Variants in ROR1 observed in about 807,000 individuals in gnomAD.
The protein encoded by ROR1 is ROR family WNT receptor 1, also known as inactive tyrosine-protein kinase transmembrane receptor ROR1.
ROR1 carries 19 observed loss-of-function variants against 78.8 expected under a neutral mutation model. The observed-to-expected ratio is 0.24, with a 90% CI of 0.17 to 0.35. ROR1 has a LOEUF of 0.35. Among genes scored for constraint, ROR1 ranks in the 10% least tolerant of loss-of-function variants. The pLI, the probability that ROR1 is intolerant of heterozygous loss-of-function variation, is 1.00. For synonymous variants in ROR1, 386 were observed against 433.6 expected, an observed-to-expected ratio of 0.89 and a Z score of 1.36; for missense variants, 917 against 1,177.8, an observed-to-expected ratio of 0.78 and a Z score of 3.24.
At chr1:63,927,221 G>C (rs1429717652) in intron 1 of ROR1, among the ~76,000 whole-genome samples, 9 of 71,450 alleles carry the variant, frequency 1.3e-4, no homozygotes, top group African/African-American at 2.1e-4. Flanking sequence ...TAGCATGAAG[G>C]GTTGTTGAAT....
Position 64,177,884 on chromosome 1 carries a change from G to T in ROR1, c.1843G>T (p.Asp615Tyr). The change falls in exon 9 of 9, where the codon GAC (aspartate) becomes TAC (tyrosine). Residue 615 changes from aspartate to tyrosine, a missense_variant. Around this residue, in one of 3 missense-constraint regions of ROR1, gnomAD observed 835 missense variants for 1,069.8 expected, o/e 0.78. Transcript: ENST00000371079. ...YLSSHFFVHK[D>Y]LAARNILIGE... ...GTCTAGTCACTTCTTTGTCCACAAG[G>T]ACCTTGCAGCTCGCAATATTTTAAT... The T allele has an allele frequency of 6.2e-7, 1 of 1,614,174 alleles. No individual in the cohort carries two copies. The highest frequency in any genetic ancestry group is 8.5e-7 in the Non-Finnish European group (1 of 1,180,026).
At chr1:63,794,151 A>G (rs1233482046) in intron 1 of ROR1, among the ~76,000 whole-genome samples, 3 of 152,184 alleles carry the variant, frequency 2.0e-5, no homozygotes, top group Non-Finnish European at 4.4e-5. Flanking sequence ...AAGTCAAAAT[A>G]TGGGCTCCGA....
At chr1:63,815,066 AG>A (rs1461184112) in intron 1 of ROR1, among the ~76,000 whole-genome samples, 1 of 152,150 alleles carries the variant, frequency 6.6e-6, no homozygotes, top group African/African-American at 2.4e-5. Flanking sequence ...TTTGGAAAAA[AG>A]GGCACTGGGG....
At chr1:64,053,286 G>C (rs560483974) in intron 4 of ROR1, among the ~76,000 whole-genome samples, 2 of 152,286 alleles carry the variant, frequency 1.3e-5, no homozygotes, top group African/African-American at 4.8e-5. Context: ...GAGGTCCACT[G>C]AGGCAACAGG....
chr1:64,028,426 G>A (rs766451666), intron 2 of ROR1, among the ~76,000 whole-genome samples: 2 of 152,160 alleles, frequency 1.3e-5, no homozygotes, highest in Non-Finnish European at 2.9e-5. Flanking sequence ...TTGCTAAATA[G>A]GAAGCAGATC....
chr1:64,061,490 C>T (rs1646916884), intron 4 of ROR1, among the ~76,000 whole-genome samples: 1 of 152,150 alleles, frequency 6.6e-6, no homozygotes, highest in Admixed American at 6.6e-5. Flanking sequence ...TAGTTTAAAG[C>T]AGTGCTTCTC....
intron 1 of ROR1, among the ~76,000 whole-genome samples, chr1:63,882,026 A>G (rs555304238): frequency 6.6e-6 from 1 of 152,306 alleles, no homozygotes; most frequent in East Asian, 1.9e-4. Flanking sequence ...AGGGGATCAT[A>G]TAGGATACTC....
chr1:64,003,665 G>A (rs973888066), intron 1 of ROR1, among the ~76,000 whole-genome samples: 1 of 143,784 alleles, frequency 7.0e-6, no homozygotes, highest in African/African-American at 2.5e-5. Context: ...TGAGCCTAGG[G>A]CTAGAGCATG....
intron 2 of ROR1, among the ~76,000 whole-genome samples, chr1:64,012,350 G>A (rs1230280264): frequency 6.6e-6 from 1 of 152,182 alleles, no homozygotes; most frequent in South Asian, 2.1e-4. Flanking sequence ...TCACCCAGGA[G>A]AAATCAAAAC....
At chr1:64,067,765 T>G (rs1258438911) in intron 4 of ROR1, among the ~76,000 whole-genome samples, 3 of 143,384 alleles carry the variant, frequency 2.1e-5, no homozygotes, top group Non-Finnish European at 4.5e-5. Context: ...GAGGCTAGAG[T>G]GCAGTGGTGT....
chr1:64,071,147 C>A (rs946025006), intron 4 of ROR1, among the ~76,000 whole-genome samples: 17 of 152,160 alleles, frequency 1.1e-4, no homozygotes, highest in East Asian at 7.7e-4. Context: ...GTTAGAAAGG[C>A]GAGCAGGAGC....
chr1:64,084,820 C>T (rs916094246), intron 4 of ROR1, among the ~76,000 whole-genome samples: 20 of 152,334 alleles, frequency 1.3e-4, no homozygotes, highest in African/African-American at 2.4e-4. Context: ...AGAAGGTCAA[C>T]GCGACAGGCC....
At chr1:63,983,202 A>G (rs550912733) in intron 1 of ROR1, among the ~76,000 whole-genome samples, 2 of 151,794 alleles carry the variant, frequency 1.3e-5, no homozygotes, top group African/African-American at 4.8e-5. Context: ...AGATTTTCTC[A>G]CTCTCCCCCT....
intron 1 of ROR1, among the ~76,000 whole-genome samples, chr1:63,883,623 C>T (rs1479659310): frequency 6.6e-6 from 1 of 152,150 alleles, no homozygotes; most frequent in Non-Finnish European, 1.5e-5. Context: ...AGAGAACAGG[C>T]CAGAAAACAC....
intron 1 of ROR1, among the ~76,000 whole-genome samples, chr1:63,961,593 C>T (rs1482121713): frequency 6.6e-6 from 1 of 152,110 alleles, no homozygotes; most frequent in Non-Finnish European, 1.5e-5. Context: ...CACAGAAAGA[C>T]AAATACCGCA....
At chr1:63,840,415 G>T (rs762803992) in intron 1 of ROR1, among the ~76,000 whole-genome samples, 12 of 151,840 alleles carry the variant, frequency 7.9e-5, no homozygotes, top group Non-Finnish European at 1.5e-4. Flanking sequence ...GAGTAGCTGG[G>T]ACTACAGGTA....
At chr1:63,795,228 GGAGCTA>G (rs1644753085) in intron 1 of ROR1, among the ~76,000 whole-genome samples, 1 of 152,202 alleles carries the variant, frequency 6.6e-6, no homozygotes, top group Admixed American at 6.5e-5. Flanking sequence ...TTGTGGCTTT[GGAGCTA>G]TGCCGGAGGT....
intron 1 of ROR1, among the ~76,000 whole-genome samples, chr1:63,870,404 G>T (rs1645244173): frequency 6.6e-6 from 1 of 152,160 alleles, no homozygotes; most frequent in Non-Finnish European, 1.5e-5. Flanking sequence ...AGGCTTCATT[G>T]TCCAAGGCTA....
chr1:63,802,851 C>A (rs1014434378), intron 1 of ROR1, among the ~76,000 whole-genome samples: 2 of 152,096 alleles, frequency 1.3e-5, no homozygotes, highest in Non-Finnish European at 2.9e-5. Flanking sequence ...TAATTTGAGC[C>A]ACATATGTAG....
Sources: gnomAD v4.1 joint callset for allele counts (sites outside exome capture counted in the v4.1 genomes callset) on GRCh38, gnomAD v4.1.1 for gene constraint, gnomAD v4.1.1 regional missense constraint, MANE v1.5 for transcripts, NCBI Gene and HGNC (gene_info 2026-07-23, HGNC 2026-07-21) for gene names.